The following UBE2G1 variants were observed in gnomAD, a reference collection of about 807,000 sequenced individuals.
The protein encoded by UBE2G1 is ubiquitin-conjugating enzyme E2 G1.
In UBE2G1, 5 loss-of-function variants were observed where a neutral mutation model predicts 22.7. The observed-to-expected ratio is 0.22, with a 90% CI of 0.12 to 0.46. The LOEUF (loss-of-function observed/expected upper bound fraction) is 0.46, where lower values mean the gene tolerates loss of function less well. UBE2G1 is among the 20% of genes least tolerant of loss of function. The pLI is 0.99. For synonymous variants in UBE2G1, 74 were observed against 67.5 expected (o/e 1.10, Z -0.47); for missense variants, 88 against 203.9 (o/e 0.43, Z 3.46).
At chr17:4,288,056 G>A (rs1181510070) in intron 4 of UBE2G1, among the ~76,000 whole-genome samples, 3 of 152,164 alleles carry the variant, frequency 2.0e-5, no homozygotes, top group Non-Finnish European at 4.4e-5. Context: ...ACATTTTGGG[G>A]TGAAGGGTTA....
intron 1 of UBE2G1, among the ~76,000 whole-genome samples, chr17:4,314,022 G>A (rs1408499212): frequency 4.6e-5 from 7 of 152,170 alleles, no homozygotes; most frequent in African/African-American, 1.7e-4. Context: ...AAGAGCATAT[G>A]AAAAGTAAAA....
intron 3 of UBE2G1, 57 bp from the exon 4 acceptor site, chr17:4,289,465 A>G: frequency 6.9e-7 from 1 of 1,448,422 alleles, no homozygotes; most frequent in Non-Finnish European, 9.1e-7. Flanking sequence ...TATACATGAA[A>G]TATCAATTAC....
chr17:4,360,453 C>T (rs1275881690), intron 1 of UBE2G1, among the ~76,000 whole-genome samples: 1 of 152,152 alleles, frequency 6.6e-6, no homozygotes, highest in Non-Finnish European at 1.5e-5. Context: ...TGCAATCAAA[C>T]ATTCTTCACC....
intron 2 of UBE2G1, among the ~76,000 whole-genome samples, chr17:4,297,206 A>C (rs1195579549): frequency 2.0e-5 from 3 of 152,206 alleles, no homozygotes; most frequent in Non-Finnish European, 4.4e-5. Flanking sequence ...TTCCTCAAAC[A>C]CATCAAACCC....
intron 3 of UBE2G1, among the ~76,000 whole-genome samples, chr17:4,294,003 T>C (rs1361054779): frequency 6.6e-6 from 1 of 152,242 alleles, no homozygotes; most frequent in Non-Finnish European, 1.5e-5. Context: ...ACATAGCTTT[T>C]TTATTTTTTG....
chr17:4,301,348 T>C (rs953846245), intron 2 of UBE2G1: 2 of 486,418 alleles, frequency 4.1e-6, no homozygotes, highest in East Asian at 4.3e-5. Context: ...ACGGGCGCAA[T>C]GGAGGAGAAG....
At chr17:4,281,544 A>G (rs1039785991) in intron 5 of UBE2G1, among the ~76,000 whole-genome samples, 1 of 152,054 alleles carries the variant, frequency 6.6e-6, no homozygotes, top group African/African-American at 2.4e-5. Flanking sequence ...AACCCCCACA[A>G]ATCAATAGGT....
At chr17:4,308,996 C>T (rs1969278246) in intron 1 of UBE2G1, among the ~76,000 whole-genome samples, 1 of 152,244 alleles carries the variant, frequency 6.6e-6, no homozygotes. Context: ...TGGTGGCTCA[C>T]ACCTGTAATC....
At chr17:4,278,625 G>C (rs1968848731) in intron 5 of UBE2G1, among the ~76,000 whole-genome samples, 1 of 152,160 alleles carries the variant, frequency 6.6e-6, no homozygotes, top group Non-Finnish European at 1.5e-5. Context: ...AGTGATTTTG[G>C]TGTGATGTAT....
intron 1 of UBE2G1, among the ~76,000 whole-genome samples, chr17:4,310,419 A>G (rs1261925499): frequency 6.6e-6 from 1 of 152,240 alleles, no homozygotes; most frequent in Non-Finnish European, 1.5e-5. Context: ...TTCTAAAAAG[A>G]AAAGAAATAA....
At chr17:4,297,560 T>C (rs567229804) in intron 2 of UBE2G1, among the ~76,000 whole-genome samples, 1 of 152,300 alleles carries the variant, frequency 6.6e-6, no homozygotes, top group East Asian at 1.9e-4. Flanking sequence ...AAAAGAACAA[T>C]ACAATGAGTT....
At chr17:4,308,789 G>A (rs1045672904) in intron 1 of UBE2G1, among the ~76,000 whole-genome samples, 1 of 152,290 alleles carries the variant, frequency 6.6e-6, no homozygotes, top group Admixed American at 6.5e-5. Context: ...TCATTCTCAG[G>A]CAGCTTTGTC....
intron 5 of UBE2G1, among the ~76,000 whole-genome samples, chr17:4,274,831 T>C (rs1458737860): frequency 5.3e-5 from 8 of 151,026 alleles, no homozygotes; most frequent in East Asian, 1.9e-4. Flanking sequence ...GGTGGGAAGA[T>C]TGTTAGACAC....
chr17:4,270,682 A>G lies in UBE2G1; in HGVS notation c.*1872T>C, dbSNP rs1457557379. ...AAAAACCAAGTCACAAAGTTCTTAA[A>G]GAAAACTGGGTTCTAATGAATCAAT... On this transcript the variant is annotated 3_prime_UTR_variant, in exon 6 of 6. Coordinates refer to ENST00000396981, the MANE Select transcript of UBE2G1 (RefSeq NM_003342.5). 2 of 152,152 alleles carry G rather than the reference A, an allele frequency of 1.3e-5. No homozygotes were observed. The highest frequency in any genetic ancestry group is 2.9e-5 in the Non-Finnish European group (2 of 68,034). The allele number at this position is 152,152 out of a possible 1,614,324, so 9.4% of individuals were successfully genotyped here. A position where few individuals can be genotyped will look rare whatever the true frequency, so the allele number is the denominator to read the frequency against.
At chr17:4,346,632 C>T (rs1969778186) in intron 1 of UBE2G1, among the ~76,000 whole-genome samples, 1 of 150,194 alleles carries the variant, frequency 6.7e-6, no homozygotes. Flanking sequence ...GACGGGGTTT[C>T]ACTATGTTGG....
intron 4 of UBE2G1, among the ~76,000 whole-genome samples, chr17:4,287,310 G>A (rs1968976412): frequency 6.6e-6 from 1 of 151,684 alleles, no homozygotes; most frequent in Non-Finnish European, 1.5e-5. Context: ...TTTCACTTTG[G>A]CCAGGCTGGT....
At chr17:4,327,709 A>G (rs1398152739) in intron 1 of UBE2G1, among the ~76,000 whole-genome samples, 1 of 152,176 alleles carries the variant, frequency 6.6e-6, no homozygotes, top group Non-Finnish European at 1.5e-5. Context: ...GAAGCCAAGC[A>G]TATTCCTACC....
At chr17:4,344,294 A>G (rs903444486) in intron 1 of UBE2G1, among the ~76,000 whole-genome samples, 2 of 152,132 alleles carry the variant, frequency 1.3e-5, no homozygotes, top group African/African-American at 4.8e-5. Flanking sequence ...TAATCCCAGC[A>G]CTTTGGGAGG....
intron 1 of UBE2G1, among the ~76,000 whole-genome samples, chr17:4,327,756 T>C (rs1969519299): frequency 6.6e-6 from 1 of 152,172 alleles, no homozygotes; most frequent in South Asian, 2.1e-4. Context: ...AGACGGACTG[T>C]GTCATTACTC....
Sources: allele counts gnomAD v4.1 joint callset (sites outside exome capture counted in the v4.1 genomes callset), GRCh38; gene constraint gnomAD v4.1.1; transcripts MANE v1.5; gene names NCBI Gene and HGNC (gene_info 2026-07-23, HGNC 2026-07-21).